Variants in EDAR observed in about 807,000 individuals in gnomAD.
EDAR encodes the protein ectodysplasin A receptor.
Under a neutral mutation model 51.3 loss-of-function variants are expected in EDAR, and 38 were observed. The observed-to-expected ratio is 0.74, with a 90% CI of 0.57 to 0.97. EDAR has a LOEUF of 0.97. Among genes scored for constraint, EDAR ranks in the 50% least tolerant of loss-of-function variants. EDAR has a pLI of 0.00. For synonymous variants in EDAR, 227 were observed against 242.1 expected (o/e 0.94, Z 0.58); for missense variants, 528 against 595.0 (o/e 0.89, Z 1.17).
intron 1 of EDAR, among the ~76,000 whole-genome samples, chr2:108,983,856 A>G (rs1259195960): frequency 1.3e-5 from 2 of 152,164 alleles, no homozygotes; most frequent in African/African-American, 4.8e-5. Context: ...CTGAGCCATC[A>G]GAGAGCCACT....
intron 1 of EDAR, among the ~76,000 whole-genome samples, chr2:108,969,384 G>T (rs1698200645): frequency 6.6e-6 from 1 of 152,148 alleles, no homozygotes; most frequent in Non-Finnish European, 1.5e-5. Flanking sequence ...TCGGATGGTT[G>T]TATCTCCGGT....
At position 108,989,156 on chromosome 2, in the gene EDAR, C is replaced by T. The variant is rs2104502832; in HGVS notation, c.-215G>A. The T allele has an allele frequency of 6.5e-6, 1 of 152,926 alleles. No individual in the cohort carries two copies. The highest frequency in any genetic ancestry group is 6.5e-5 in the Admixed American group (1 of 15,308). The allele number at this position is 152,926 out of a possible 1,614,324, so 9.5% of individuals were successfully genotyped here. On this transcript the variant is annotated 5_prime_UTR_variant, in exon 1 of 12. Coordinates refer to ENST00000258443, the MANE Select transcript of EDAR (RefSeq NM_022336.4). ...CACCTCTCTGACACTAGCCCCGCTT[C>T]CTTTCCGTTTAAAGGGCTTCCCGGG... is the stretch of plus-strand genomic sequence containing the variant.
At chr2:108,972,707 C>T (rs1698258157) in intron 1 of EDAR, among the ~76,000 whole-genome samples, 1 of 152,242 alleles carries the variant, frequency 6.6e-6, no homozygotes, top group South Asian at 2.1e-4. Flanking sequence ...GAAAAATAAG[C>T]AGCCCTCATC....
At chr2:108,928,646 A>AT (rs1264003607) in intron 4 of EDAR, among the ~76,000 whole-genome samples, 1 of 152,092 alleles carries the variant, frequency 6.6e-6, no homozygotes, top group African/African-American at 2.4e-5. Context: ...GAGAGTCTGT[A>AT]TTTTCCTGGT....
chr2:108,948,781 A>G (rs1231034491), intron 1 of EDAR, among the ~76,000 whole-genome samples: 1 of 152,184 alleles, frequency 6.6e-6, no homozygotes, highest in Non-Finnish European at 1.5e-5. Context: ...ACAGTTTGAG[A>G]TGAGATTTGG....
chr2:108,977,146 T>C (rs1300535718), intron 1 of EDAR, among the ~76,000 whole-genome samples: 1 of 152,144 alleles, frequency 6.6e-6, no homozygotes, highest in Non-Finnish European at 1.5e-5. Flanking sequence ...GGCCTGGGTT[T>C]TCCTAGATGG....
chr2:108,963,070 T>C (rs1340060116), intron 1 of EDAR, among the ~76,000 whole-genome samples: 1 of 152,196 alleles, frequency 6.6e-6, no homozygotes, highest in Admixed American at 6.5e-5. Flanking sequence ...GGTCACTCAC[T>C]GTCACTTGTA....
chr2:108,908,060 GGGC>G, intron 9 of EDAR, 41 bp from the exon 10 acceptor site: 1 of 1,571,338 alleles, frequency 6.4e-7, no homozygotes, highest in Non-Finnish European at 8.7e-7. Context: ...GTGCCTGGGG[GGGC>G]TGCAGCCCTG....
At chr2:108,964,549 CCA>C (rs1307063738) in intron 1 of EDAR, among the ~76,000 whole-genome samples, 2 of 152,202 alleles carry the variant, frequency 1.3e-5, no homozygotes, top group African/African-American at 4.8e-5. Flanking sequence ...CCCAACCAAA[CCA>C]CAGTCACCAG....
At chr2:108,976,834 T>C (rs1048216392) in intron 1 of EDAR, among the ~76,000 whole-genome samples, 1 of 152,082 alleles carries the variant, frequency 6.6e-6, no homozygotes, top group Admixed American at 6.6e-5. Flanking sequence ...TTAGGACCTC[T>C]TTACTTTCTG....
At chr2:108,973,503 G>T (rs1698270757) in intron 1 of EDAR, among the ~76,000 whole-genome samples, 1 of 152,156 alleles carries the variant, frequency 6.6e-6, no homozygotes, top group Non-Finnish European at 1.5e-5. Context: ...GATGCCAAGG[G>T]CCTGAACCCT....
At chr2:108,944,574 C>T (rs1002597421) in intron 1 of EDAR, among the ~76,000 whole-genome samples, 7 of 152,180 alleles carry the variant, frequency 4.6e-5, no homozygotes, top group African/African-American at 1.7e-4. Context: ...CCTTCACAAG[C>T]AGACCTGGCC....
chr2:108,975,436 C>T (rs930251911), intron 1 of EDAR, among the ~76,000 whole-genome samples: 1 of 152,120 alleles, frequency 6.6e-6, no homozygotes, highest in African/African-American at 2.4e-5. Context: ...ACATGGATAG[C>T]GCCAGCACAT....
intron 11 of EDAR, 99 bp from the exon 12 acceptor site, chr2:108,897,328 A>T: frequency 5.7e-6 from 7 of 1,228,934 alleles, no homozygotes; most frequent in Non-Finnish European, 8.0e-6. Context: ...TATTTGAAAA[A>T]AATTTTTTTA....
chr2:108,926,397 G>C (rs1387698706), intron 4 of EDAR, among the ~76,000 whole-genome samples: 1 of 152,204 alleles, frequency 6.6e-6, no homozygotes, highest in Non-Finnish European at 1.5e-5. Context: ...TTTAAGGACT[G>C]ACTTTCTCTC....
intron 11 of EDAR, among the ~76,000 whole-genome samples, chr2:108,903,342 C>T (rs1290226459): frequency 6.6e-6 from 1 of 151,850 alleles, no homozygotes; most frequent in Non-Finnish European, 1.5e-5. Context: ...TTTGTTGCAA[C>T]TCATTAAAAT....
At chr2:108,933,907 G>C in intron 1 of EDAR, among the ~76,000 whole-genome samples, 1 of 152,066 alleles carries the variant, frequency 6.6e-6, no homozygotes, top group East Asian at 1.9e-4. Context: ...AGGATGGTGG[G>C]GTTAGCAGAG....
chr2:108,961,033 G>C (rs1158710294), intron 1 of EDAR, among the ~76,000 whole-genome samples: 1 of 152,208 alleles, frequency 6.6e-6, no homozygotes, highest in African/African-American at 2.4e-5. Context: ...TGGTAGAACT[G>C]TTGGGTCAGA....
intron 1 of EDAR, among the ~76,000 whole-genome samples, chr2:108,969,398 A>G (rs1320135547): frequency 6.6e-6 from 1 of 152,096 alleles, no homozygotes; most frequent in Non-Finnish European, 1.5e-5. Flanking sequence ...CTCCGGTGAG[A>G]GGAGAACGAT....
Sources: gnomAD v4.1 joint callset for allele counts (sites outside exome capture counted in the v4.1 genomes callset) on GRCh38, gnomAD v4.1.1 for gene constraint, MANE v1.5 for transcripts, NCBI Gene and HGNC (gene_info 2026-07-23, HGNC 2026-07-21) for gene names.